The following USP36 variants were observed in gnomAD, a reference collection of about 807,000 sequenced individuals.
The protein encoded by USP36 is ubiquitin specific peptidase 36, also known as ubiquitin carboxyl-terminal hydrolase 36.
USP36 carries 59 observed loss-of-function variants against 111.5 expected under a neutral mutation model. The observed-to-expected ratio is 0.53, with a 90% CI of 0.43 to 0.66. The LOEUF (loss-of-function observed/expected upper bound fraction) is 0.66, where lower values mean the gene tolerates loss of function less well. Ranked by LOEUF, USP36 falls within the 30% of genes least tolerant of loss-of-function variation. The pLI, the probability that USP36 is intolerant of heterozygous loss-of-function variation, is 0.00. For missense variants in USP36, 1,488 were observed against 1,468.0 expected (o/e 1.01, Z -0.22); for synonymous variants, 628 against 581.0 (o/e 1.08, Z -1.16).
intron 12 of USP36, among the ~76,000 whole-genome samples, chr17:78,813,557 A>G (rs2094116774): frequency 6.6e-6 from 1 of 152,214 alleles, no homozygotes; most frequent in South Asian, 2.1e-4. Context: ...TCAAAACAGC[A>G]TCAATGTGAG....
intron 10 of USP36, among the ~76,000 whole-genome samples, chr17:78,815,260 A>T (rs2094152335): frequency 6.6e-6 from 1 of 151,990 alleles, no homozygotes; most frequent in South Asian, 2.1e-4. Context: ...TGAAACCAGG[A>T]GGTGGAGGTT....
At chr17:78,808,622 T>C (rs1599008733) in intron 13 of USP36, among the ~76,000 whole-genome samples, 1 of 152,242 alleles carries the variant, frequency 6.6e-6, no homozygotes, top group East Asian at 1.9e-4. Context: ...ATGGTTAATT[T>C]ATATAAGCTA....
Position 78,796,973 on chromosome 17 carries a change from C to G in USP36, c.*927G>C, listed in dbSNP as rs1052148508. ...AAGTAATCTTCTTGAGTTATACAAT[C>G]ATTTAAATTCCAAAGCACTCACAAA... On this transcript the variant is annotated 3_prime_UTR_variant, in exon 21 of 21. Transcript: ENST00000449938. 5 of 152,346 alleles carry G rather than the reference C, an allele frequency of 3.3e-5. No individual in the cohort carries two copies. The highest frequency in any genetic ancestry group is 1.2e-4 in the African/African-American group (5 of 41,560). The allele number at this position is 152,346 out of a possible 1,614,324, so 9.4% of individuals were successfully genotyped here. A position where few individuals can be genotyped will look rare whatever the true frequency, so the allele number is the denominator to read the frequency against.
At chr17:78,808,003 C>G (rs2093954810) in intron 13 of USP36, among the ~76,000 whole-genome samples, 1 of 152,152 alleles carries the variant, frequency 6.6e-6, no homozygotes, top group African/African-American at 2.4e-5. Context: ...AGCACCTGGC[C>G]TGAATACATA....
intron 3 of USP36, among the ~76,000 whole-genome samples, chr17:78,788,626 C>T (rs548871689): frequency 6.6e-6 from 1 of 152,154 alleles, no homozygotes; most frequent in Admixed American, 6.5e-5. Context: ...GCTACAGGAA[C>T]AACAGACAGC....
chr17:78,806,816 G>C (rs2093914637), intron 14 of USP36, 143 bp downstream of exon 14: 1 of 1,201,076 alleles, frequency 8.3e-7, no homozygotes, highest in Admixed American at 2.5e-5. Flanking sequence ...CAAATGGCTG[G>C]GAACGACTAA....
chr17:78,794,243 T>C (rs533144003), downstream of USP36, among the ~76,000 whole-genome samples: 1 of 152,370 alleles, frequency 6.6e-6, no homozygotes, highest in African/African-American at 2.4e-5. Flanking sequence ...ACCAGCCGCC[T>C]TTCAGGCCAT....
chr17:78,793,486 A>G (rs1028765050), downstream of USP36, among the ~76,000 whole-genome samples: 1 of 152,174 alleles, frequency 6.6e-6, no homozygotes, highest in African/African-American at 2.4e-5. Flanking sequence ...TGGAAGGAGC[A>G]GGGGGCCAAG....
At chr17:78,836,034 A>G (rs1211032848) in intron 3 of USP36, 77 bp downstream of exon 3, 7 of 1,556,644 alleles carry the variant, frequency 4.5e-6, no homozygotes, top group Admixed American at 3.9e-5. Context: ...TTTCCTACTA[A>G]TTAGTCAATA....
chr17:78,806,961 T>G lies in USP36; in HGVS notation c.2083A>C (p.Lys695Gln). 6.2e-7 allele frequency: 1 copy of G among 1,613,906 alleles called. No homozygotes were observed. Among genetic ancestry groups the G allele is most frequent in the Non-Finnish European group, 8.5e-7 (1 of 1,179,770 alleles). Residue 695 changes from lysine to glutamine, a missense_variant and splice_region_variant, in exon 14 of 21, where the codon AAG becomes CAG. By Grantham distance (53) the Lys-to-Gln change is moderately conservative (BLOSUM62 1). Around this residue, in one of 3 missense-constraint regions of USP36, gnomAD observed 1,073 missense variants for 994.1 expected, o/e 1.08. Transcript: ENST00000449938. ...CGGCGAGACCCCCACACACCCACCT[T>G]CTTGGCAGAAAGGGCCAGTTTTTTG... The part of the protein sequence containing the change: ...PAKKLALSAK[K>Q]ASTLWRATGN...
At chr17:78,826,139 G>C (rs371651436) in intron 6 of USP36, among the ~76,000 whole-genome samples, 1 of 152,152 alleles carries the variant, frequency 6.6e-6, no homozygotes, top group Admixed American at 6.5e-5. Flanking sequence ...GCCCCTTCAG[G>C]AGAAGGGGAA....
intron 9 of USP36, among the ~76,000 whole-genome samples, chr17:78,819,470 C>G (rs1051386304): frequency 1.3e-5 from 2 of 152,206 alleles, no homozygotes; most frequent in Non-Finnish European, 2.9e-5. Flanking sequence ...ATGTCCAAAA[C>G]CAGTTAAGTA....
In USP36 at chr17:78,827,157, G is replaced by A. The variant is rs539027834; in HGVS notation, c.689+88C>T. ...AGGGCAGCCTGGGTAGAAAGGTGCC[G>A]GGCTGGCTGTTGCCATAGGAATGTT... On this transcript the variant is annotated intron_variant, in intron 6 of 20. Coordinates refer to ENST00000449938, the MANE Select transcript of USP36 (RefSeq NM_001385174.1). 6.7e-5 allele frequency: 96 copies of A among 1,435,512 alleles called. No homozygotes were observed. The Middle Eastern group carries it at 6.9e-4, about 10-fold the overall frequency. The allele number at this position is 1,435,512 out of a possible 1,614,324, so 88.9% of individuals were successfully genotyped here. A position where few individuals can be genotyped will look rare whatever the true frequency, so the allele number is the denominator to read the frequency against.
intron 17 of USP36, among the ~76,000 whole-genome samples, chr17:78,800,544 A>T (rs542295439): frequency 1.3e-5 from 2 of 152,112 alleles, no homozygotes. Context: ...CCTGCCTCCA[A>T]TTCCTCAGTG....
Position 78,798,249 on chromosome 17 carries a change from C to T in USP36, c.*20+151G>A, listed in dbSNP as rs113744168. On this transcript the variant is annotated intron_variant, in intron 20 of 20. Transcript: ENST00000449938. The surrounding 1 kb of genome is among the most constrained non-coding windows in gnomAD (Gnocchi z 5.1). ...GTGACTAGGACACACACCACAGACGCGCCCACACCACACACACCACCCAAC... is the reference window on the plus strand; with the variant it reads ...GTGACTAGGACACACACCACAGACGTGCCCACACCACACACACCACCCAAC... 184 of 1,017,796 alleles carry T rather than the reference C, an allele frequency of 1.8e-4. No homozygotes were observed. The African/African-American group carries it at 2.4e-3, about 13-fold the overall frequency. 63.0% of individuals were successfully genotyped at this position (1,017,796 alleles called of 1,614,324 possible).
chr17:78,801,110 G>C (rs992455065), intron 17 of USP36, among the ~76,000 whole-genome samples: 14 of 151,804 alleles, frequency 9.2e-5, no homozygotes, highest in Non-Finnish European at 1.8e-4. Flanking sequence ...CCGAGTAGCT[G>C]GGACTAGAGG....
intron 5 of USP36, among the ~76,000 whole-genome samples, chr17:78,828,570 C>T (rs1411840568): frequency 6.6e-6 from 1 of 152,206 alleles, no homozygotes; most frequent in East Asian, 1.9e-4. Context: ...TGTCTCTAAA[C>T]TGCTATTCCT....
chr17:78,806,263 G>A lies in USP36; in HGVS notation c.2109C>T (p.Thr703=), dbSNP rs986571602. The change falls in exon 15 of 21, where the codon ACC becomes ACT. Residue 703 remains threonine, a synonymous_variant. Coordinates refer to ENST00000449938, the MANE Select transcript of USP36 (RefSeq NM_001385174.1). ...AKKASTLWRA[T]GNDLRPPPPS... is the part of the protein sequence containing the mutation. ...GGGGAGGTGGACGGAGGTCATTGCCGGTCGCCCTCCACAGGGTGCTGGCCT... is the reference window on the plus strand; with the variant it reads ...GGGGAGGTGGACGGAGGTCATTGCCAGTCGCCCTCCACAGGGTGCTGGCCT... 6.8e-6 allele frequency: 11 copies of A among 1,613,750 alleles called. No individual in the cohort carries two copies. Among genetic ancestry groups the A allele is most frequent in the Non-Finnish European group, 8.5e-6 (10 of 1,179,990 alleles).
intron 2 of USP36, 88 bp from the exon 3 acceptor site, chr17:78,836,460 G>A: frequency 6.7e-7 from 1 of 1,496,018 alleles, no homozygotes; most frequent in Non-Finnish European, 8.9e-7. Context: ...GGTCATTATG[G>A]ATGCTAGCCA....
Sources: gnomAD v4.1 joint callset for allele counts (sites outside exome capture counted in the v4.1 genomes callset) on GRCh38, gnomAD v4.1.1 for gene constraint, gnomAD v4.1.1 regional missense constraint, Gnocchi (gnomAD v3.1) non-coding constraint, MANE v1.5 for transcripts, NCBI Gene and HGNC (gene_info 2026-07-23, HGNC 2026-07-21) for gene names.